The following SV2B variants were observed in gnomAD, a reference collection of about 807,000 sequenced individuals.
SV2B encodes the protein synaptic vesicle glycoprotein 2B.
Under a neutral mutation model 73.9 loss-of-function variants are expected in SV2B, and 41 were observed. That is an observed-to-expected ratio of 0.56 (90% CI 0.43 to 0.72). SV2B has a LOEUF of 0.72. Among genes scored for constraint, SV2B ranks in the 30% least tolerant of loss-of-function variants. The pLI, the probability that SV2B is intolerant of heterozygous loss-of-function variation, is 0.00. For synonymous variants in SV2B, 314 were observed against 314.2 expected (o/e 1.00, Z 0.01); for missense variants, 764 against 857.8 (o/e 0.89, Z 1.37).
intron 1 of SV2B, among the ~76,000 whole-genome samples, chr15:91,178,721 G>A (rs1292863747): frequency 1.3e-5 from 2 of 150,372 alleles, no homozygotes; most frequent in African/African-American, 2.5e-5. Context: ...TCGTATTTCT[G>A]TGGGATCGGT....
intron 7 of SV2B, 188 bp downstream of exon 7, chr15:91,266,880 C>G (rs868786660): frequency 5.4e-5 from 25 of 462,648 alleles, no homozygotes; most frequent in Middle Eastern, 9.7e-4. Flanking sequence ...TGCCCTGGAG[C>G]TGAAAACTCT....
rs1567417612 is a variant in SV2B, at chr15:91,270,820, TGGTGAATCCTGTGGATGATGGGGGGAC to T, written c.1373+2238_1373+2264del. On this transcript the variant is annotated intron_variant, in intron 9 of 12. Transcript: ENST00000394232. ...GTGAATCCTGTGGATGATGGGGGGA[TGGTGAATCCTGTGGATGATGGGGGGAC>T]GGTGAATCCTGTGGATGATGGGCGG... 4.8e-3 allele frequency among the ~76,000 whole-genome samples: 336 copies of T among 70,608 alleles called. 5 individuals are homozygous for T. The highest frequency in any genetic ancestry group is 0.018 in the African/African-American group (308 of 17,386). The allele number at this position is 70,608 out of a possible 152,430, so 46.3% of individuals were successfully genotyped here.
rs904517987 is a variant in SV2B, at chr15:91,236,942, A to AT, written c.451+10239dup. ...AACATGGCAGCTCCAGGGTAGCTGGATTTTTTTTTTTAACCTGTTGGCTTG... is the reference window on the plus strand; with the variant it reads ...AACATGGCAGCTCCAGGGTAGCTGGATTTTTTTTTTTTAACCTGTTGGCTTG... On this transcript the variant is annotated intron_variant, in intron 2 of 12. Transcript: ENST00000394232. The surrounding 1 kb of genome is among the most constrained non-coding windows in gnomAD (Gnocchi z 4.1). 3.2e-4 allele frequency among the ~76,000 whole-genome samples: 47 copies of AT among 147,868 alleles called. No homozygotes were observed. Among genetic ancestry groups the AT allele is most frequent in the Admixed American group, 1.6e-3 (23 of 14,816 alleles).
Position 91,231,546 on chromosome 15 carries a change from C to T in SV2B, c.451+4832C>T, listed in dbSNP as rs1030609371. ...AAACTGCAATTACTTTTGCACCAAC[C>T]TATAGGATGACAATATTGGCGACAC... is the stretch of plus-strand genomic sequence containing the variant. On this transcript the variant is annotated intron_variant, in intron 2 of 12. Coordinates refer to ENST00000394232, the MANE Select transcript of SV2B (RefSeq NM_001323032.3). This position sits in a 1 kb window ranked among gnomAD's most constrained non-coding sequence, Gnocchi z 4.5. Among the ~76,000 whole-genome samples, 29 of 152,148 alleles carry T rather than the reference C, an allele frequency of 1.9e-4. No individual in the cohort carries two copies. The highest frequency in any genetic ancestry group is 4.6e-4 in the Admixed American group (7 of 15,272).
At chr15:91,206,095 T>C (rs2045628077) in intron 1 of SV2B, among the ~76,000 whole-genome samples, 1 of 152,038 alleles carries the variant, frequency 6.6e-6, no homozygotes, top group African/African-American at 2.4e-5. Context: ...TGGAGTACAG[T>C]GGTGCAATCC....
At position 91,227,021 on chromosome 15, in the gene SV2B, A is replaced by C. The variant is rs7179149; in HGVS notation, c.451+307A>C. 6.6e-6 allele frequency among the ~76,000 whole-genome samples: 1 copy of C among 151,940 alleles called. No homozygotes were observed. Among genetic ancestry groups the C allele is most frequent in the Non-Finnish European group, 1.5e-5 (1 of 67,978 alleles). On this transcript the variant is annotated intron_variant, in intron 2 of 12. Coordinates refer to ENST00000394232, the MANE Select transcript of SV2B (RefSeq NM_001323032.3). The surrounding 1 kb of genome is among the most constrained non-coding windows in gnomAD (Gnocchi z 4.5). Reference sequence around the variant, plus strand: ...AACCTTCTTCGATGTCCAAATGACAAATACATTTTGGGAGTGGCAAATGTG... The same window carrying C: ...AACCTTCTTCGATGTCCAAATGACACATACATTTTGGGAGTGGCAAATGTG...
At chr15:91,192,536 G>A (rs1035547264) in intron 1 of SV2B, among the ~76,000 whole-genome samples, 5 of 152,322 alleles carry the variant, frequency 3.3e-5, no homozygotes, top group Admixed American at 1.3e-4. Context: ...GGGATGTGAT[G>A]AGAAATCAGT....
intron 2 of SV2B, among the ~76,000 whole-genome samples, chr15:91,243,392 G>A (rs2047099144): frequency 6.6e-6 from 1 of 152,176 alleles, no homozygotes; most frequent in Non-Finnish European, 1.5e-5. Context: ...CAATTTCAGG[G>A]TTCTTGAAGT....
At chr15:91,272,382 G>A (rs1361318084) in intron 9 of SV2B, among the ~76,000 whole-genome samples, 1 of 152,052 alleles carries the variant, frequency 6.6e-6, no homozygotes, top group African/African-American at 2.4e-5. Context: ...GCTTGGTAGG[G>A]CTTTCTTCTG....
intron 1 of SV2B, among the ~76,000 whole-genome samples, chr15:91,219,159 G>C (rs544194896): frequency 3.9e-5 from 6 of 152,108 alleles, no homozygotes; most frequent in African/African-American, 1.4e-4. Flanking sequence ...ATGTTGCCCA[G>C]GCTTGTCTCA....
intron 1 of SV2B, among the ~76,000 whole-genome samples, chr15:91,208,486 C>A (rs2045726456): frequency 6.6e-6 from 1 of 152,160 alleles, no homozygotes; most frequent in African/African-American, 2.4e-5. Context: ...CAGAAAACAT[C>A]ATGTATTTGG....
At chr15:91,217,441 G>C (rs529381910) in intron 1 of SV2B, among the ~76,000 whole-genome samples, 123 of 152,012 alleles carry the variant, frequency 8.1e-4, no homozygotes, top group Admixed American at 2.2e-3. Flanking sequence ...GGAAGGGATA[G>C]CATTAGGAGA....
intron 1 of SV2B, among the ~76,000 whole-genome samples, chr15:91,189,974 C>T (rs925342933): frequency 5.3e-5 from 8 of 151,158 alleles, no homozygotes; most frequent in South Asian, 4.2e-4. Context: ...GGCGACAGAG[C>T]GAGACGCCAT....
chr15:91,265,566 A>C lies in SV2B; in HGVS notation c.1009-1016A>C, dbSNP rs1351600633. ...TAAGGTGCTTCCTGAGTTGATGTTA[A>C]CTTCCCCTGTAGCCTCCTTTATCTG... On this transcript the variant is annotated intron_variant, in intron 6 of 12. Coordinates refer to ENST00000394232, the MANE Select transcript of SV2B (RefSeq NM_001323032.3). This position sits in a 1 kb window ranked among gnomAD's most constrained non-coding sequence, Gnocchi z 4.2. 6.6e-6 allele frequency among the ~76,000 whole-genome samples: 1 copy of C among 152,140 alleles called. No individual in the cohort carries two copies. Among genetic ancestry groups the C allele is most frequent in the Admixed American group, 6.5e-5 (1 of 15,272 alleles).
intron 1 of SV2B, among the ~76,000 whole-genome samples, chr15:91,108,987 G>T (rs1490694825): frequency 1.3e-5 from 2 of 152,176 alleles, no homozygotes; most frequent in African/African-American, 4.8e-5. Context: ...TGTATGGGTT[G>T]GCAGGGGAGA....
intron 9 of SV2B, among the ~76,000 whole-genome samples, chr15:91,277,629 TTAG>T (rs1459831384): frequency 6.6e-6 from 1 of 152,222 alleles, no homozygotes; most frequent in Non-Finnish European, 1.5e-5. Flanking sequence ...TATTGCATTT[TTAG>T]TAGTTTATTT....
At chr15:91,213,919 T>C (rs2045945945) in intron 1 of SV2B, among the ~76,000 whole-genome samples, 2 of 152,154 alleles carry the variant, frequency 1.3e-5, no homozygotes, top group Admixed American at 1.3e-4. Context: ...AAAAGGAGGC[T>C]TTTTCCTTGA....
intron 2 of SV2B, among the ~76,000 whole-genome samples, chr15:91,244,660 G>A (rs995573403): frequency 6.6e-6 from 1 of 152,194 alleles, no homozygotes; most frequent in Admixed American, 6.5e-5. Context: ...AGAGTTCTTT[G>A]TGGGATTCCC....
In SV2B at chr15:91,289,696, G is replaced by T. The variant is rs1163762871; in HGVS notation, c.1868+16G>T. 1 of 1,608,362 alleles carries T rather than the reference G, an allele frequency of 6.2e-7. No individual in the cohort carries two copies. The highest frequency in any genetic ancestry group is 8.5e-7 in the Non-Finnish European group (1 of 1,177,178). On this transcript the variant is annotated intron_variant, in intron 12 of 12. Coordinates refer to ENST00000394232, the MANE Select transcript of SV2B (RefSeq NM_001323032.3). The surrounding 1 kb of genome is among the most constrained non-coding windows in gnomAD (Gnocchi z 4.9). ...CCAACCAGAGGTCAGTTCTTCCCCA[G>T]GCTTTCCTCAGGGACTTGTTTGGGC...
Sources: gnomAD v4.1 joint callset for allele counts (sites outside exome capture counted in the v4.1 genomes callset) on GRCh38, gnomAD v4.1.1 for gene constraint, Gnocchi (gnomAD v3.1) non-coding constraint, MANE v1.5 for transcripts, NCBI Gene and HGNC (gene_info 2026-07-23, HGNC 2026-07-21) for gene names.